TRHDE: variants seen among roughly 807,000 people sequenced by gnomAD.
The protein encoded by TRHDE is thyrotropin-releasing hormone-degrading ectoenzyme.
TRHDE carries 72 observed loss-of-function variants against 125.7 expected under a neutral mutation model. The observed-to-expected ratio is 0.57, with a 90% CI of 0.47 to 0.70. TRHDE has a LOEUF of 0.70. TRHDE is among the 30% of genes least tolerant of loss of function. TRHDE has a pLI of 0.00. For synonymous variants in TRHDE, 509 were observed against 509.1 expected, an observed-to-expected ratio of 1.00 and a Z score of 0.00; for missense variants, 1,110 against 1,327.1, an observed-to-expected ratio of 0.84 and a Z score of 2.54.
At chr12:72,430,698 T>C (rs1372911322) in intron 3 of TRHDE, among the ~76,000 whole-genome samples, 1 of 151,976 alleles carries the variant, frequency 6.6e-6, no homozygotes, top group Non-Finnish European at 1.5e-5. Flanking sequence ...CTACTCCAAC[T>C]TTATTAGTCT....
Position 72,273,439 on chromosome 12 carries a change from C to G in TRHDE, c.796C>G (p.Leu266Val), listed in dbSNP as rs1879341081. The G allele has an allele frequency of 6.2e-7, 1 of 1,613,986 alleles. No homozygotes were observed. The highest frequency in any genetic ancestry group is 8.5e-7 in the Non-Finnish European group (1 of 1,180,036). The change falls in exon 1 of 19, where the codon CTG becomes GTG. Residue 266 changes from leucine (L) to valine (V), a missense_variant. Coordinates refer to ENST00000261180, the MANE Select transcript of TRHDE (RefSeq NM_013381.3). This position sits in a 1 kb window ranked among gnomAD's most constrained non-coding sequence, Gnocchi z 5.3. The part of the protein sequence containing the change: ...YPQTQVLVVV[L>V]NRTLDAQRNY... ...GCAAACCCAGGTCTTAGTGGTGGTGCTGAATAGGACACTGGACGCGCAGAG... is the reference window on the plus strand; with the variant it reads ...GCAAACCCAGGTCTTAGTGGTGGTGGTGAATAGGACACTGGACGCGCAGAG...
chr12:72,513,801 A>C (rs1878709524), intron 6 of TRHDE, among the ~76,000 whole-genome samples: 1 of 152,090 alleles, frequency 6.6e-6, no homozygotes, highest in African/African-American at 2.4e-5. Context: ...GTAAGAAAAT[A>C]AGACAAAGCC....
chr12:72,489,195 A>C (rs1877545935), intron 5 of TRHDE, among the ~76,000 whole-genome samples: 2 of 151,526 alleles, frequency 1.3e-5, no homozygotes, highest in Admixed American at 1.3e-4. Context: ...CCATAGAAAA[A>C]ATCAATAAGA....
intron 2 of TRHDE, among the ~76,000 whole-genome samples, chr12:72,139,745 A>G (rs1876069735): frequency 6.6e-6 from 1 of 152,174 alleles, no homozygotes; most frequent in South Asian, 2.1e-4. Context: ...CCTATTGTAA[A>G]TCAAAAATAA....
chr12:72,521,839 GT>G (rs1324285603), intron 6 of TRHDE, among the ~76,000 whole-genome samples: 4 of 152,194 alleles, frequency 2.6e-5, no homozygotes, highest in Non-Finnish European at 5.9e-5. Flanking sequence ...AACTATTTCA[GT>G]AGTCAAATTT....
chr12:72,364,374 T>G (rs996105438), intron 2 of TRHDE, among the ~76,000 whole-genome samples: 5 of 152,048 alleles, frequency 3.3e-5, no homozygotes, highest in Non-Finnish European at 7.4e-5. Context: ...GAGTGATGCT[T>G]TCCTTGGCAT....
intron 2 of TRHDE, among the ~76,000 whole-genome samples, chr12:72,225,481 A>G (rs1434357373): frequency 2.0e-5 from 3 of 152,194 alleles, no homozygotes; most frequent in African/African-American, 7.2e-5. Context: ...AAGCCAGGAA[A>G]TAGGAGTAGG....
chr12:72,201,604 A>C (rs916973343), intron 2 of TRHDE, among the ~76,000 whole-genome samples: 2 of 152,076 alleles, frequency 1.3e-5, no homozygotes, highest in Non-Finnish European at 2.9e-5. Context: ...CTGGGAGGTG[A>C]TAAAACATGC....
chr12:72,651,972 G>C (rs562715679), intron 15 of TRHDE, among the ~76,000 whole-genome samples: 1 of 151,990 alleles, frequency 6.6e-6, no homozygotes, highest in African/African-American at 2.4e-5. Flanking sequence ...TACCAATTAT[G>C]AGAGCAAAAT....
At chr12:72,557,804 T>C (rs975390515) in intron 7 of TRHDE, among the ~76,000 whole-genome samples, 3 of 152,208 alleles carry the variant, frequency 2.0e-5, no homozygotes, top group Admixed American at 6.6e-5. Flanking sequence ...TCCATTCAAG[T>C]TATATGCCTG....
chr12:72,396,312 C>T (rs1424741970), intron 3 of TRHDE, among the ~76,000 whole-genome samples: 1 of 152,154 alleles, frequency 6.6e-6, no homozygotes, highest in Non-Finnish European at 1.5e-5. Context: ...TTCTTTACCT[C>T]CCATTATCCT....
intron 15 of TRHDE, among the ~76,000 whole-genome samples, chr12:72,635,453 G>C (rs1454892033): frequency 6.6e-6 from 1 of 152,034 alleles, no homozygotes; most frequent in South Asian, 2.1e-4. Context: ...TCTGTAGGTT[G>C]CCTGTTCACT....
At chr12:72,472,203 C>A (rs557130065) in intron 4 of TRHDE, among the ~76,000 whole-genome samples, 37 of 152,158 alleles carry the variant, frequency 2.4e-4, no homozygotes, top group Non-Finnish European at 4.9e-4. Context: ...CCTCATCCCC[C>A]CTACCTCTAC....
At chr12:72,138,631 T>G (rs1876043911) in intron 2 of TRHDE, among the ~76,000 whole-genome samples, 1 of 152,226 alleles carries the variant, frequency 6.6e-6, no homozygotes. Context: ...CAGTCCCATC[T>G]ACTGCTATTA....
In TRHDE at chr12:72,452,094, G is replaced by C. The variant is rs575955853; in HGVS notation, c.1316-17664G>C. 2.6e-5 allele frequency among the ~76,000 whole-genome samples: 4 copies of C among 152,264 alleles called. No homozygotes were observed. The South Asian group carries it at 8.3e-4, about 32-fold the overall frequency. On this transcript the variant is annotated intron_variant, in intron 3 of 18. Coordinates refer to ENST00000261180, the MANE Select transcript of TRHDE (RefSeq NM_013381.3). ...TCTGCCCGCATTGGCCTCCCAAAGT[G>C]CTGGGATTACAGGCGCGATTTCTGT...
chr12:72,363,135 A>C (rs1199657026), intron 2 of TRHDE, among the ~76,000 whole-genome samples: 1 of 151,960 alleles, frequency 6.6e-6, no homozygotes, highest in African/African-American at 2.4e-5. Context: ...GATGGCATTG[A>C]ATCTATAAAT....
intron 2 of TRHDE, among the ~76,000 whole-genome samples, chr12:72,148,913 G>A (rs539053222): frequency 1.5e-4 from 23 of 152,296 alleles, no homozygotes; most frequent in Non-Finnish European, 2.9e-4. Flanking sequence ...TGACTCTGCT[G>A]CAATGAACAG....
In TRHDE at chr12:72,265,641, A is replaced by G. The variant is rs182838002; in HGVS notation, n.280-112354A>G. 5.0e-3 allele frequency among the ~76,000 whole-genome samples: 753 copies of G among 152,024 alleles called. 5 individuals carry two copies. Among genetic ancestry groups the G allele is most frequent in the African/African-American group, 0.017 (709 of 41,516 alleles). Reference sequence around the variant, plus strand: ...TACCTGAAGAAAAAAATCAGAATACATCTTTTTCCATAGTTTGAAAGTAGG... The same window carrying G: ...TACCTGAAGAAAAAAATCAGAATACGTCTTTTTCCATAGTTTGAAAGTAGG... On this transcript the variant is annotated intron_variant and non_coding_transcript_variant, in intron 2 of 4. Coordinates refer to the TRHDE transcript ENST00000548156.
intron 1 of TRHDE, among the ~76,000 whole-genome samples, chr12:72,092,397 G>C (rs1874811694): frequency 6.6e-6 from 1 of 152,216 alleles, no homozygotes; most frequent in African/African-American, 2.4e-5. Flanking sequence ...CATGTAACTG[G>C]AAAGCATAGT....
Sources: gnomAD v4.1 joint callset for allele counts (sites outside exome capture counted in the v4.1 genomes callset) on GRCh38, gnomAD v4.1.1 for gene constraint, Gnocchi (gnomAD v3.1) non-coding constraint, MANE v1.5 for transcripts, NCBI Gene and HGNC (gene_info 2026-07-23, HGNC 2026-07-21) for gene names.